BANK1: variants seen among roughly 807,000 people sequenced by gnomAD.
BANK1 encodes the protein B-cell scaffold protein with ankyrin repeats.
BANK1 carries 95 observed loss-of-function variants against 94.5 expected under a neutral mutation model. That is an observed-to-expected ratio of 1.00 (90% CI 0.85 to 1.19). BANK1 has a LOEUF of 1.19. Ranked by LOEUF, BANK1 falls within the 50% of genes most tolerant of loss-of-function variation. The pLI is 0.00. For missense variants in BANK1, 987 were observed against 932.2 expected, an observed-to-expected ratio of 1.06 and a Z score of -0.77; for synonymous variants, 334 against 308.4, an observed-to-expected ratio of 1.08 and a Z score of -0.87.
At chr4:101,860,686 C>T (rs973036957) in intron 3 of BANK1, among the ~76,000 whole-genome samples, 2 of 152,092 alleles carry the variant, frequency 1.3e-5, no homozygotes, top group South Asian at 2.1e-4. Context: ...CTGCCTCGGC[C>T]GCCCAAAGTG....
At chr4:101,828,453 C>T (rs1488336651) in intron 1 of BANK1, among the ~76,000 whole-genome samples, 1 of 149,244 alleles carries the variant, frequency 6.7e-6, no homozygotes, top group Non-Finnish European at 1.5e-5. Context: ...TAGACCATAT[C>T]CAGAACTCCA....
chr4:101,978,585 G>A (rs1404213377), intron 7 of BANK1, among the ~76,000 whole-genome samples: 2 of 151,844 alleles, frequency 1.3e-5, no homozygotes, highest in Non-Finnish European at 2.9e-5. Flanking sequence ...CAGATCTATA[G>A]AGCTTTTCAA....
chr4:101,813,957 G>C (rs1013593348), intron 1 of BANK1: 1 of 840,310 alleles, frequency 1.2e-6, no homozygotes, highest in African/African-American at 1.8e-5. Context: ...ATATCTTCTA[G>C]TATATAGCTA....
At chr4:101,936,289 A>ATATG (rs1723541841) in intron 7 of BANK1, among the ~76,000 whole-genome samples, 1 of 150,398 alleles carries the variant, frequency 6.6e-6, no homozygotes. Context: ...ATGTACACAT[A>ATATG]TATGCACACA....
intron 2 of BANK1, among the ~76,000 whole-genome samples, chr4:101,835,338 T>C (rs1204043813): frequency 6.6e-6 from 1 of 152,230 alleles, no homozygotes; most frequent in African/African-American, 2.4e-5. Flanking sequence ...TGTTCTCAAC[T>C]CTGCCCCCGT....
chr4:101,945,708 T>G (rs1265463729), intron 7 of BANK1, among the ~76,000 whole-genome samples: 1 of 151,828 alleles, frequency 6.6e-6, no homozygotes, highest in Non-Finnish European at 1.5e-5. Flanking sequence ...TCCTGAGTAT[T>G]TAGAACCACG....
chr4:101,905,398 C>T (rs982122465), intron 6 of BANK1, among the ~76,000 whole-genome samples: 1 of 152,150 alleles, frequency 6.6e-6, no homozygotes, highest in Admixed American at 6.5e-5. Flanking sequence ...CTGGAAATGC[C>T]CCCGTTTAGA....
chr4:101,968,189 A>C (rs1179923780), intron 7 of BANK1, among the ~76,000 whole-genome samples: 1 of 152,050 alleles, frequency 6.6e-6, no homozygotes, highest in Non-Finnish European at 1.5e-5. Flanking sequence ...CAAAAGATTT[A>C]TTTACTGTAA....
intron 7 of BANK1, among the ~76,000 whole-genome samples, chr4:102,011,477 C>T (rs1726510031): frequency 6.6e-6 from 1 of 152,120 alleles, no homozygotes; most frequent in Non-Finnish European, 1.5e-5. Context: ...GCTCATTGTG[C>T]AGTACTGATA....
At chr4:101,980,652 A>G (rs1353273135) in intron 7 of BANK1, among the ~76,000 whole-genome samples, 2 of 151,928 alleles carry the variant, frequency 1.3e-5, no homozygotes, top group East Asian at 3.9e-4. Context: ...GATTGCTTTT[A>G]TTTATAAATT....
chr4:101,815,163 T>C (rs1398377232), intron 1 of BANK1, among the ~76,000 whole-genome samples: 2 of 152,074 alleles, frequency 1.3e-5, no homozygotes, highest in Non-Finnish European at 2.9e-5. Flanking sequence ...ATTAGAGAGA[T>C]ATACCCACCC....
chr4:101,989,222 AT>A (rs1248221244), intron 7 of BANK1, among the ~76,000 whole-genome samples: 33 of 152,082 alleles, frequency 2.2e-4, no homozygotes, highest in Non-Finnish European at 4.1e-4. Flanking sequence ...AGGCGGGCGG[AT>A]GACAAGGTCA....
intron 7 of BANK1, among the ~76,000 whole-genome samples, chr4:101,974,397 G>A (rs946880016): frequency 1.3e-5 from 2 of 152,114 alleles, no homozygotes; most frequent in African/African-American, 4.8e-5. Context: ...AGCAGAGAGA[G>A]GAGTTGTAAT....
intron 12 of BANK1, chr4:102,062,011 A>G (rs1728434850): frequency 1.3e-5 from 2 of 152,234 alleles, no homozygotes; most frequent in South Asian, 4.1e-4. Context: ...CAACAAAAAG[A>G]TGAATATTCC....
At chr4:101,848,979 G>A (rs1039794072) in intron 2 of BANK1, among the ~76,000 whole-genome samples, 9 of 152,120 alleles carry the variant, frequency 5.9e-5, no homozygotes, top group African/African-American at 2.2e-4. Flanking sequence ...GCTGAGCCAC[G>A]GAGGCAACTG....
At chr4:101,854,328 A>G (rs142196333) in intron 2 of BANK1, among the ~76,000 whole-genome samples, 119 of 152,326 alleles carry the variant, frequency 7.8e-4, no homozygotes, top group Admixed American at 1.8e-3. Flanking sequence ...CAAATAGAGA[A>G]CAATGTTTTA....
At chr4:101,997,649 G>C (rs545555770) in intron 7 of BANK1, among the ~76,000 whole-genome samples, 6 of 152,022 alleles carry the variant, frequency 3.9e-5, no homozygotes, top group Non-Finnish European at 8.8e-5. Flanking sequence ...TTTAGTCTTG[G>C]GATGGTGTAT....
chr4:101,853,019 C>A (rs1409954382), intron 2 of BANK1, among the ~76,000 whole-genome samples: 1 of 152,052 alleles, frequency 6.6e-6, no homozygotes, highest in Non-Finnish European at 1.5e-5. Context: ...CAACCTTTCA[C>A]TGTTTTGATT....
At chr4:102,073,205 CCCA>C (rs1728813191) in intron 15 of BANK1, among the ~76,000 whole-genome samples, 1 of 150,846 alleles carries the variant, frequency 6.6e-6, no homozygotes, top group Non-Finnish European at 1.5e-5. Flanking sequence ...TCTTCTGTAG[CCCA>C]CCACCAAGCT....
Sources: allele counts gnomAD v4.1 joint callset (sites outside exome capture counted in the v4.1 genomes callset), GRCh38; gene constraint gnomAD v4.1.1; transcripts MANE v1.5; gene names NCBI Gene and HGNC (gene_info 2026-07-23, HGNC 2026-07-21).